The following RSU1 variants were observed in gnomAD, a reference collection of about 807,000 sequenced individuals.
RSU1 encodes the protein rsu-1.
RSU1 carries 26 observed loss-of-function variants against 31.1 expected under a neutral mutation model. That is an observed-to-expected ratio of 0.84 (90% CI 0.61 to 1.16). RSU1 has a LOEUF of 1.16. RSU1 is among the 50% of genes most tolerant of loss of function. The pLI, the probability that RSU1 is intolerant of heterozygous loss-of-function variation, is 0.00. For missense variants in RSU1, 320 were observed against 339.1 expected (o/e 0.94, Z 0.44); for synonymous variants, 164 against 136.3 (o/e 1.20, Z -1.41).
chr10:16,721,942 A>G (rs1197675057), intron 7 of RSU1, among the ~76,000 whole-genome samples: 1 of 152,196 alleles, frequency 6.6e-6, no homozygotes, highest in East Asian at 1.9e-4. Flanking sequence ...AGCAAGTACA[A>G]GAGAAATTTT....
intron 7 of RSU1, among the ~76,000 whole-genome samples, chr10:16,730,551 C>A (rs921317675): frequency 2.6e-5 from 4 of 152,018 alleles, no homozygotes; most frequent in African/African-American, 9.7e-5. Flanking sequence ...AGGAGAGAGC[C>A]CAGTAAATAT....
chr10:16,741,257 C>A (rs957961780), intron 7 of RSU1, among the ~76,000 whole-genome samples: 4 of 152,102 alleles, frequency 2.6e-5, no homozygotes, highest in African/African-American at 9.7e-5. Flanking sequence ...AGGACAGCCA[C>A]AGGCAAAAGA....
intron 8 of RSU1, among the ~76,000 whole-genome samples, chr10:16,656,856 C>T (rs1834792396): frequency 6.6e-6 from 1 of 152,182 alleles, no homozygotes. Context: ...TTCCCCACTT[C>T]CACTATTGAA....
intron 8 of RSU1, 71 bp downstream of exon 8, chr10:16,694,952 A>C: frequency 7.1e-7 from 1 of 1,411,578 alleles, no homozygotes; most frequent in Non-Finnish European, 9.7e-7. Context: ...GTCACATAAT[A>C]TTTTTAAAGG....
At chr10:16,785,461 T>TATATAC (rs1837764478) in intron 2 of RSU1, among the ~76,000 whole-genome samples, 2 of 91,808 alleles carry the variant, frequency 2.2e-5, no homozygotes, top group African/African-American at 1.1e-4. Flanking sequence ...CATATATACA[T>TATATAC]ATATATATAC....
chr10:16,599,193 G>C (rs1833672349), intron 8 of RSU1, among the ~76,000 whole-genome samples: 2 of 152,254 alleles, frequency 1.3e-5, no homozygotes, highest in Admixed American at 6.5e-5. Flanking sequence ...ATTCCTTGCA[G>C]TTCCTGAGAG....
intron 7 of RSU1, among the ~76,000 whole-genome samples, chr10:16,732,208 A>G (rs184035569): frequency 6.6e-6 from 1 of 152,200 alleles, no homozygotes; most frequent in Non-Finnish European, 1.5e-5. Context: ...AAGTCATGAA[A>G]TGTAATATAT....
intron 8 of RSU1, among the ~76,000 whole-genome samples, chr10:16,620,493 C>T (rs78443848): frequency 0.021 from 3,090 of 149,932 alleles, 107 homozygotes; most frequent in African/African-American, 0.068. Context: ...GCAGGTCTCA[C>T]GAGAGGTCAA....
At chr10:16,653,812 C>G (rs188287310) in intron 8 of RSU1, among the ~76,000 whole-genome samples, 6 of 151,838 alleles carry the variant, frequency 4.0e-5, no homozygotes, top group African/African-American at 7.3e-5. Flanking sequence ...AGAAATGGTA[C>G]GAAAATTGGG....
chr10:16,599,590 C>G (rs1029607514), intron 8 of RSU1, among the ~76,000 whole-genome samples: 2 of 152,214 alleles, frequency 1.3e-5, no homozygotes, highest in East Asian at 3.8e-4. Context: ...TCTGATGTCT[C>G]CATATGCAAG....
chr10:16,673,196 C>T (rs1325850341), intron 8 of RSU1, among the ~76,000 whole-genome samples: 1 of 152,212 alleles, frequency 6.6e-6, no homozygotes, highest in East Asian at 1.9e-4. Flanking sequence ...GAGAAGCGTT[C>T]ATCTCCGGTA....
intron 7 of RSU1, among the ~76,000 whole-genome samples, chr10:16,699,248 C>T (rs1564322336): frequency 6.6e-6 from 1 of 152,112 alleles, no homozygotes; most frequent in South Asian, 2.1e-4. Flanking sequence ...TTAATGTCAC[C>T]GGTGGATAAC....
At chr10:16,713,513 A>G (rs1410091466) in intron 7 of RSU1, among the ~76,000 whole-genome samples, 2 of 152,082 alleles carry the variant, frequency 1.3e-5, no homozygotes, top group African/African-American at 4.8e-5. Flanking sequence ...TTTCATTCAT[A>G]ATTCCTCAGC....
intron 7 of RSU1, among the ~76,000 whole-genome samples, chr10:16,738,113 A>G (rs933474766): frequency 3.9e-5 from 6 of 152,220 alleles, no homozygotes; most frequent in African/African-American, 1.2e-4. Context: ...AGATGCTGCT[A>G]AAACAACGGA....
At position 16,612,674 on chromosome 10, in the gene RSU1, T is replaced by C. The variant is rs1057180837; in HGVS notation, c.732-19178A>G. On this transcript the variant is annotated intron_variant, in intron 8 of 8. Coordinates refer to ENST00000345264, the MANE Select transcript of RSU1 (RefSeq NM_012425.4). ...TCATAAGTTAAGCCTCCAGCTACAC[T>C]CTCTGTTATTTTTCATTATACTGTT... 3.9e-4 allele frequency among the ~76,000 whole-genome samples: 59 copies of C among 152,320 alleles called. No individual in the cohort carries two copies. The Middle Eastern group carries it at 0.01, about 26-fold the overall frequency.
chr10:16,671,541 T>C (rs1332027424), intron 8 of RSU1, among the ~76,000 whole-genome samples: 2 of 152,100 alleles, frequency 1.3e-5, no homozygotes, highest in Non-Finnish European at 2.9e-5. Context: ...CTTAATCTCC[T>C]GGGCTCAAGC....
intron 8 of RSU1, among the ~76,000 whole-genome samples, chr10:16,667,459 C>A (rs999999847): frequency 6.6e-6 from 1 of 151,958 alleles, no homozygotes; most frequent in African/African-American, 2.4e-5. Context: ...TAAATAGTAC[C>A]ATAAAATATG....
At chr10:16,786,667 C>G (rs571811272) in intron 2 of RSU1, among the ~76,000 whole-genome samples, 1 of 152,074 alleles carries the variant, frequency 6.6e-6, no homozygotes, top group Non-Finnish European at 1.5e-5. Flanking sequence ...CTACGTTCAC[C>G]CCAATCTACC....
intron 3 of RSU1, among the ~76,000 whole-genome samples, chr10:16,770,670 T>C (rs1226405389): frequency 6.6e-6 from 1 of 152,198 alleles, no homozygotes; most frequent in African/African-American, 2.4e-5. Context: ...AACCTCTGCC[T>C]CCAGTGATGG....
Sources: gnomAD v4.1 joint callset for allele counts (sites outside exome capture counted in the v4.1 genomes callset) on GRCh38, gnomAD v4.1.1 for gene constraint, MANE v1.5 for transcripts, NCBI Gene and HGNC (gene_info 2026-07-23, HGNC 2026-07-21) for gene names.